The following STK39 variants were observed in gnomAD, a reference collection of about 807,000 sequenced individuals.
STK39 encodes serine/threonine kinase 39.
Under a neutral mutation model 77.8 loss-of-function variants are expected in STK39, and 20 were observed. The observed-to-expected ratio is 0.26, with a 90% CI of 0.18 to 0.37. The LOEUF (loss-of-function observed/expected upper bound fraction) is 0.37. Ranked by LOEUF, STK39 falls within the 10% of genes least tolerant of loss-of-function variation. STK39 has a pLI of 1.00. For synonymous variants in STK39, 246 were observed against 234.1 expected (o/e 1.05, Z -0.47); for missense variants, 479 against 656.5 (o/e 0.73, Z 2.95).
rs1282781897 is a variant in STK39, at chr2:168,004,700, T to A, written c.1498+7934A>T. Among the ~76,000 whole-genome samples the A allele has an allele frequency of 8.9e-5, 13 of 146,042 alleles. No individual in the cohort carries two copies. In the South Asian group the frequency reaches 2.6e-3, roughly 29 times the overall value. On this transcript the variant is annotated intron_variant, in intron 16 of 17. Transcript: ENST00000355999. ...GTCAGCCGAGATTGCACCATTGCAC[T>A]CTAGCCTGGGTGACAGAGTGAGACT...
At chr2:167,984,441 G>A (rs1574366858) in intron 16 of STK39, among the ~76,000 whole-genome samples, 1 of 152,186 alleles carries the variant, frequency 6.6e-6, no homozygotes, top group South Asian at 2.1e-4. Context: ...AAGAGCATGT[G>A]AGACACAGAG....
intron 12 of STK39, among the ~76,000 whole-genome samples, chr2:168,071,673 A>G (rs1020481624): frequency 1.3e-5 from 2 of 152,026 alleles, no homozygotes; most frequent in Admixed American, 1.3e-4. Context: ...CGAGGTCAGG[A>G]GATCGAGACC....
At chr2:168,155,964 C>T (rs1337364557) in intron 5 of STK39, among the ~76,000 whole-genome samples, 1 of 152,202 alleles carries the variant, frequency 6.6e-6, no homozygotes, top group Non-Finnish European at 1.5e-5. Context: ...GGAACACCTG[C>T]CATGTATCAG....
chr2:167,979,398 T>G (rs1158914244), intron 16 of STK39, among the ~76,000 whole-genome samples: 5 of 152,234 alleles, frequency 3.3e-5, no homozygotes, highest in Non-Finnish European at 4.4e-5. Context: ...TGGTATCCTG[T>G]AATAAGTTTA....
chr2:168,024,117 TC>T (rs1387497774), intron 14 of STK39, among the ~76,000 whole-genome samples: 1 of 152,174 alleles, frequency 6.6e-6, no homozygotes, highest in Non-Finnish European at 1.5e-5. Flanking sequence ...TTGCCTCTTG[TC>T]CTACTCTGGG....
chr2:168,143,112 G>C (rs1030053926), intron 5 of STK39, among the ~76,000 whole-genome samples: 2 of 152,074 alleles, frequency 1.3e-5, no homozygotes, highest in Non-Finnish European at 2.9e-5. Flanking sequence ...CAGAATCAAA[G>C]GCTACACATA....
chr2:168,050,037 G>T (rs1361429253), intron 14 of STK39, among the ~76,000 whole-genome samples: 1 of 152,134 alleles, frequency 6.6e-6, no homozygotes, highest in Non-Finnish European at 1.5e-5. Context: ...AGCTGAAAGG[G>T]ATAATATGCA....
At chr2:168,177,163 G>A (rs911880684) in intron 2 of STK39, among the ~76,000 whole-genome samples, 1 of 151,936 alleles carries the variant, frequency 6.6e-6, no homozygotes. Context: ...AAATGACTTT[G>A]TTCACATATG....
At chr2:168,157,045 T>C (rs1249659835) in intron 5 of STK39, among the ~76,000 whole-genome samples, 2 of 152,218 alleles carry the variant, frequency 1.3e-5, no homozygotes, top group African/African-American at 4.8e-5. Context: ...CTCAACCACC[T>C]TGCCCATCTT....
At chr2:168,209,453 G>A (rs546058012) in intron 1 of STK39, among the ~76,000 whole-genome samples, 40 of 152,196 alleles carry the variant, frequency 2.6e-4, no homozygotes, top group African/African-American at 9.6e-4. Context: ...GAGGTGGGCA[G>A]ATCCCCTGAG....
intron 1 of STK39, among the ~76,000 whole-genome samples, chr2:168,242,725 T>TA (rs1261264968): frequency 5.5e-5 from 8 of 146,172 alleles, no homozygotes; most frequent in Non-Finnish European, 1.1e-4. Flanking sequence ...TTCTTAAAAA[T>TA]AAAAAAAGAA....
At chr2:168,064,361 G>A (rs1264591737) in intron 13 of STK39, among the ~76,000 whole-genome samples, 2 of 152,100 alleles carry the variant, frequency 1.3e-5, no homozygotes, top group African/African-American at 4.8e-5. Flanking sequence ...AATCCCTACA[G>A]TTTATCTCAA....
chr2:167,992,546 A>G (rs1683728516), intron 16 of STK39, among the ~76,000 whole-genome samples: 1 of 152,194 alleles, frequency 6.6e-6, no homozygotes, highest in African/African-American at 2.4e-5. Context: ...CAACAGAGGA[A>G]AAGAATTCCA....
intron 14 of STK39, among the ~76,000 whole-genome samples, chr2:168,045,247 AC>A (rs988271087): frequency 2.6e-5 from 4 of 151,974 alleles, no homozygotes; most frequent in Non-Finnish European, 5.9e-5. Flanking sequence ...TTCCTCCCAC[AC>A]CCTGGGTGTT....
chr2:168,018,564 AAGAAAGAAAGAAAGAAAG>A (rs1684487133), intron 14 of STK39, among the ~76,000 whole-genome samples: 1 of 148,590 alleles, frequency 6.7e-6, no homozygotes, highest in African/African-American at 2.5e-5. Flanking sequence ...GAAAGAAAGA[AAGAAAGAAAGAAAGAAAG>A]AAAGAAAGAA....
intron 16 of STK39, among the ~76,000 whole-genome samples, chr2:167,979,697 C>T (rs1683366866): frequency 1.3e-5 from 2 of 152,218 alleles, no homozygotes; most frequent in Non-Finnish European, 2.9e-5. Context: ...GCTCCAGCAG[C>T]ATCATTCTGC....
chr2:168,129,480 T>C lies in STK39; in HGVS notation c.1089+61A>G. On this transcript the variant is annotated intron_variant, in intron 10 of 17. Coordinates refer to ENST00000355999, the MANE Select transcript of STK39 (RefSeq NM_013233.3). Reference sequence around the variant, plus strand: ...TGTGGAAATCTTTTTCCAATTTTTCTATGGGTTTCATTTCCCTGGGGATTG... The same window carrying C: ...TGTGGAAATCTTTTTCCAATTTTTCCATGGGTTTCATTTCCCTGGGGATTG... 6.3e-6 allele frequency: 10 copies of C among 1,589,618 alleles called. No homozygotes were observed. The South Asian group carries it at 9.0e-5, about 14-fold the overall frequency.
chr2:168,166,102 A>G (rs907253910), intron 3 of STK39, among the ~76,000 whole-genome samples: 1 of 152,218 alleles, frequency 6.6e-6, no homozygotes, highest in Non-Finnish European at 1.5e-5. Flanking sequence ...AACAGATGTT[A>G]AAGTCACAAA....
Position 168,075,236 on chromosome 2 carries a change from A to G in STK39, c.1090-5T>C. ...TGACCCAGGAACTCTTCTTACCTGAATCAAAACAAGCCCACACAATTCTTC... is the reference window on the plus strand; with the variant it reads ...TGACCCAGGAACTCTTCTTACCTGAGTCAAAACAAGCCCACACAATTCTTC... On this transcript the variant is annotated splice_polypyrimidine_tract_variant and splice_region_variant and intron_variant, in intron 10 of 17. Transcript: ENST00000355999. The G allele has an allele frequency of 6.2e-7, 1 of 1,613,600 alleles. No individual in the cohort carries two copies. Among genetic ancestry groups the G allele is most frequent in the South Asian group, 1.1e-5 (1 of 91,072 alleles).
Sources: gnomAD v4.1 joint callset for allele counts (sites outside exome capture counted in the v4.1 genomes callset) on GRCh38, gnomAD v4.1.1 for gene constraint, MANE v1.5 for transcripts, NCBI Gene and HGNC (gene_info 2026-07-23, HGNC 2026-07-21) for gene names.